ERCC4: variants seen among roughly 807,000 people sequenced by gnomAD.
ERCC4 encodes the protein ERCC excision repair 4, endonuclease catalytic subunit.
In ERCC4, 65 loss-of-function variants were observed where a neutral mutation model predicts 76.9. The observed-to-expected ratio is 0.84, with a 90% CI of 0.69 to 1.04. The LOEUF (loss-of-function observed/expected upper bound fraction) is 1.04. Among genes scored for constraint, ERCC4 ranks in the 50% least tolerant of loss-of-function variants. The pLI is 0.00. For missense variants in ERCC4, 1,214 were observed against 1,128.2 expected (o/e 1.08, Z -1.09); for synonymous variants, 463 against 410.1 (o/e 1.13, Z -1.56).
rs1454417539 is a variant in ERCC4, at chr16:13,949,356, C to T, written c.*1009C>T. 5 of 233,454 alleles carry T rather than the reference C, an allele frequency of 2.1e-5. No homozygotes were observed. The highest frequency in any genetic ancestry group is 1.2e-4 in the East Asian group (2 of 16,640). The allele number at this position is 233,454 out of a possible 1,614,324, so 14.5% of individuals were successfully genotyped here. On this transcript the variant is annotated 3_prime_UTR_variant, in exon 11 of 11. Transcript: ENST00000311895. ...AACCTAATTGGCAGTGAGCCGAGAT[C>T]GCACCACTGCACCCCTGCCTGGGCG...
chr16:13,930,027 A>C (rs1046083523), intron 4 of ERCC4, among the ~76,000 whole-genome samples: 2 of 152,196 alleles, frequency 1.3e-5, no homozygotes, highest in African/African-American at 4.8e-5. Flanking sequence ...TCCTATCATG[A>C]ATCCACTTTA....
rs1323686285 is a variant in ERCC4, at chr16:13,933,041, G to A, written c.1102+756G>A. On this transcript the variant is annotated intron_variant, in intron 6 of 10. Transcript: ENST00000311895. ...AGCCTGGGCAACAGAGTGAGACTCGGTCTCAAAAAAAAAAAAAAAAAAAAA... is the reference window on the plus strand; with the variant it reads ...AGCCTGGGCAACAGAGTGAGACTCGATCTCAAAAAAAAAAAAAAAAAAAAA... The A allele has an allele frequency of 5.5e-5, 16 of 289,308 alleles. No individual in the cohort carries two copies. In the African/African-American group the frequency reaches 5.7e-4, roughly 10 times the overall value. 17.9% of individuals were successfully genotyped at this position (289,308 alleles called of 1,614,324 possible). A position where few individuals can be genotyped will look rare whatever the true frequency, so the allele number is the denominator to read the frequency against.
chr16:13,920,416 T>G, intron 1 of ERCC4, 44 bp downstream of exon 1: 1 of 1,509,144 alleles, frequency 6.6e-7, no homozygotes, highest in Non-Finnish European at 8.9e-7. Context: ...CCGAGAGTGT[T>G]GAGGGCCTCC....
chr16:13,939,004 G>A (rs960038670), intron 9 of ERCC4, among the ~76,000 whole-genome samples: 1 of 152,180 alleles, frequency 6.6e-6, no homozygotes, highest in African/African-American at 2.4e-5. Flanking sequence ...TCATCCAGCT[G>A]CTAGTCATAC....
chr16:13,928,602 A>C (rs1395094941), intron 4 of ERCC4, among the ~76,000 whole-genome samples: 2 of 152,180 alleles, frequency 1.3e-5, no homozygotes, highest in Non-Finnish European at 2.9e-5. Context: ...GATCTCTTTT[A>C]TGGAATAAAA....
chr16:13,941,594 T>G (rs1305707893), intron 9 of ERCC4, among the ~76,000 whole-genome samples: 1 of 152,196 alleles, frequency 6.6e-6, no homozygotes. Context: ...GTGAAAGGAT[T>G]GTTTAGCTGG....
At position 13,947,646 on chromosome 16, in the gene ERCC4, A is replaced by G; in HGVS notation, c.2050A>G (p.Ile684Val). Residue 684 changes from isoleucine (I) to valine (V), a missense_variant, in exon 11 of 11, where the codon ATA becomes GTA. Ile to Val is a conservative substitution (Grantham distance 29). Coordinates refer to ENST00000311895, the MANE Select transcript of ERCC4 (RefSeq NM_005236.3). ...GGAACAGAATGGTACACAGCAAAGC[A>G]TAGTTGTGGATATGCGTGAATTTCG... ...GQEQNGTQQSIVVDMREFRSE... is the reference protein window; with the variant it reads ...GQEQNGTQQSVVVDMREFRSE... The G allele has an allele frequency of 6.2e-7, 1 of 1,614,220 alleles. No individual in the cohort carries two copies. Among genetic ancestry groups the G allele is most frequent in the Non-Finnish European group, 8.5e-7 (1 of 1,180,030 alleles).
At chr16:13,944,311 C>T (rs1316499801) in intron 9 of ERCC4, among the ~76,000 whole-genome samples, 1 of 152,022 alleles carries the variant, frequency 6.6e-6, no homozygotes, top group Non-Finnish European at 1.5e-5. Flanking sequence ...TTAACCACCC[C>T]TATTTGTGAT....
chr16:13,926,417 G>A, intron 2 of ERCC4, 144 bp from the exon 3 acceptor site: 2 of 738,546 alleles, frequency 2.7e-6, no homozygotes, highest in South Asian at 1.5e-5. Flanking sequence ...TGAGGACAGG[G>A]ATTTATCTCT....
intron 10 of ERCC4, among the ~76,000 whole-genome samples, chr16:13,946,296 C>T (rs3136213): frequency 0.24 from 35,789 of 152,192 alleles, 4,558 homozygotes; most frequent in Middle Eastern, 0.32. Flanking sequence ...CATCACAGAA[C>T]GTGCTTACAC....
intron 9 of ERCC4, among the ~76,000 whole-genome samples, chr16:13,941,494 G>A (rs942381447): frequency 6.6e-6 from 1 of 152,188 alleles, no homozygotes; most frequent in Non-Finnish European, 1.5e-5. Flanking sequence ...GAGACAATGT[G>A]CTTTTACCAA....
chr16:13,944,954 A>G, intron 10 of ERCC4, 119 bp downstream of exon 10: 1 of 675,940 alleles, frequency 1.5e-6, no homozygotes, highest in Non-Finnish European at 2.7e-6. Flanking sequence ...GGGTTGGGCC[A>G]AGGAGAGGAT....
intron 10 of ERCC4, among the ~76,000 whole-genome samples, chr16:13,946,212 C>A (rs1427544261): frequency 6.6e-6 from 1 of 152,230 alleles, no homozygotes; most frequent in Non-Finnish European, 1.5e-5. Flanking sequence ...GCCAGATAAT[C>A]TCCCAATCTC....
intron 7 of ERCC4, 157 bp downstream of exon 7, chr16:13,934,459 C>A: frequency 1.6e-6 from 1 of 641,022 alleles, no homozygotes; most frequent in Non-Finnish European, 2.8e-6. Context: ...AAAATGTAGA[C>A]AAATAAATGG....
Position 13,937,771 on chromosome 16 carries a change from A to G in ERCC4, c.1817A>G (p.Tyr606Cys), listed in dbSNP as rs189463122. 1.2e-6 allele frequency: 2 copies of G among 1,606,294 alleles called. No individual in the cohort carries two copies. The highest frequency in any genetic ancestry group is 2.2e-5 in the East Asian group (1 of 44,838). Residue 606 changes from tyrosine to cysteine, a missense_variant, in exon 9 of 11, where the codon TAC becomes TGC. Coordinates refer to ENST00000311895, the MANE Select transcript of ERCC4 (RefSeq NM_005236.3). ...AGTTCTGTCTTAACATGCAGGGTTT[A>G]CTTTCTTATATACGGAGGTTCAACT... ...ASRPGKPLRV[Y>C]FLIYGGSTEE...
Position 13,926,582 on chromosome 16 carries a change from A to T in ERCC4, c.410A>T (p.His137Leu). The change falls in exon 3 of 11, where the codon CAC becomes CTC. Residue 137 changes from histidine (H) to leucine (L), a missense_variant. Coordinates refer to ENST00000311895, the MANE Select transcript of ERCC4 (RefSeq NM_005236.3). ...LITGILVYRA[H>L]RIIESCQEAF... The stretch of plus-strand genomic sequence containing the variant: ...TCAGGCATCTTGGTGTATAGAGCCC[A>T]CAGAATAATCGAGTCTTGTCAAGAA... 6.2e-7 allele frequency: 1 copy of T among 1,614,178 alleles called. No homozygotes were observed. Among genetic ancestry groups the T allele is most frequent in the Non-Finnish European group, 8.5e-7 (1 of 1,180,010 alleles).
At chr16:13,922,326 A>C (rs1028025892) in intron 2 of ERCC4, 115 bp downstream of exon 2, 8 of 820,050 alleles carry the variant, frequency 9.8e-6, no homozygotes, top group South Asian at 7.1e-5. Context: ...TGAAGGACTC[A>C]GCTCCCTACA....
At chr16:13,936,270 A>G (rs543149957) in intron 8 of ERCC4, among the ~76,000 whole-genome samples, 64 of 152,320 alleles carry the variant, frequency 4.2e-4, no homozygotes, top group Admixed American at 2.0e-3. Flanking sequence ...GATGCCTCCC[A>G]AAGAAGATAG....
rs763208431 is a variant in ERCC4, at chr16:13,922,137, G to C, written c.314G>C (p.Gly105Ala). ...CGCTATGAAGTTTACACACAAGGTG[G>C]TGTTATATTTGCGACAAGTAGGATA... is the stretch of plus-strand genomic sequence containing the variant. ...NSRYEVYTQG[G>A]VIFATSRILV... Residue 105 changes from glycine (G) to alanine (A), a missense_variant, in exon 2 of 11, where the codon GGT (glycine) becomes GCT (alanine). Gly to Ala is a moderately conservative substitution (Grantham distance 60, BLOSUM62 0). Transcript: ENST00000311895. The C allele has an allele frequency of 4.3e-6, 7 of 1,613,502 alleles. No homozygotes were observed. In the African/African-American group the frequency reaches 5.3e-5, roughly 12 times the overall value.
Sources: gnomAD v4.1 joint callset for allele counts (sites outside exome capture counted in the v4.1 genomes callset) on GRCh38, gnomAD v4.1.1 for gene constraint, MANE v1.5 for transcripts, NCBI Gene and HGNC (gene_info 2026-07-23, HGNC 2026-07-21) for gene names.